Variants in CNTN4 observed in about 807,000 individuals in gnomAD.
CNTN4 encodes contactin-4.
A neutral mutation model predicts 122.5 loss-of-function variants in CNTN4; 77 were observed. That is an observed-to-expected ratio of 0.63 (90% CI 0.52 to 0.76). The LOEUF (loss-of-function observed/expected upper bound fraction) is 0.76. Among genes scored for constraint, CNTN4 ranks in the 30% least tolerant of loss-of-function variants. CNTN4 has a pLI of 0.00. For synonymous variants in CNTN4, 512 were observed against 447.0 expected, an observed-to-expected ratio of 1.15 and a Z score of -1.83; for missense variants, 1,256 against 1,259.1, an observed-to-expected ratio of 1.00 and a Z score of 0.04.
chr3:2,895,755 CT>C (rs1371561090), intron 10 of CNTN4, among the ~76,000 whole-genome samples: 1 of 152,234 alleles, frequency 6.6e-6, no homozygotes, highest in Non-Finnish European at 1.5e-5. Flanking sequence ...AAAGGAGGGG[CT>C]GGGCGCAGTG....
intron 3 of CNTN4, among the ~76,000 whole-genome samples, chr3:2,569,641 A>G (rs2079332553): frequency 6.6e-6 from 1 of 152,156 alleles, no homozygotes; most frequent in Non-Finnish European, 1.5e-5. Flanking sequence ...TTACTTAACC[A>G]GGAGTTTTCC....
At chr3:2,722,371 A>G (rs1258386209) in intron 4 of CNTN4, among the ~76,000 whole-genome samples, 2 of 152,176 alleles carry the variant, frequency 1.3e-5, no homozygotes, top group Admixed American at 1.3e-4. Flanking sequence ...GAAAGATGTT[A>G]ATCCATTATC....
intron 13 of CNTN4, among the ~76,000 whole-genome samples, chr3:2,945,098 C>T (rs929632708): frequency 4.9e-4 from 75 of 152,250 alleles, no homozygotes; most frequent in African/African-American, 1.7e-3. Flanking sequence ...TAAGCTGCCC[C>T]ATATTCTTGG....
intron 14 of CNTN4, among the ~76,000 whole-genome samples, chr3:3,017,135 T>C (rs757715648): frequency 1.3e-5 from 2 of 152,218 alleles, no homozygotes; most frequent in Admixed American, 6.5e-5. Context: ...AATACACTTA[T>C]TGTTCTTTTT....
intron 4 of CNTN4, among the ~76,000 whole-genome samples, chr3:2,705,618 T>G (rs866779042): frequency 1.3e-5 from 1 of 79,502 alleles, no homozygotes; most frequent in South Asian, 4.4e-4. Flanking sequence ...TATATTTATA[T>G]ATAATATATA....
chr3:2,282,432 C>A (rs2041751637), intron 2 of CNTN4, among the ~76,000 whole-genome samples: 1 of 151,480 alleles, frequency 6.6e-6, no homozygotes, highest in African/African-American at 2.4e-5. Context: ...GTTAGCCCAT[C>A]TGTGTTTTAA....
rs979786129 is a variant in CNTN4 at position 2,886,766 on chromosome 3, G to A, written c.756-274G>A. On this transcript the variant is annotated intron_variant, in intron 9 of 24. Transcript: ENST00000418658. ...TGACCTCAAGTGATCTGTCCGCCTC[G>A]GCCTCCCAAAGTGCCAGGATTACAG... is the stretch of plus-strand genomic sequence containing the variant. Among the ~76,000 whole-genome samples, 7 of 151,942 alleles carry A rather than the reference G, an allele frequency of 4.6e-5. No homozygotes were observed. The East Asian group carries it at 1.4e-3, about 29-fold the overall frequency.
chr3:2,947,733 C>T (rs1257190494), intron 13 of CNTN4, among the ~76,000 whole-genome samples: 2 of 152,188 alleles, frequency 1.3e-5, no homozygotes, highest in Non-Finnish European at 2.9e-5. Context: ...AAGCTACAGC[C>T]AGATCCCTAT....
intron 3 of CNTN4, among the ~76,000 whole-genome samples, chr3:2,363,892 A>T (rs1051389161): frequency 6.6e-6 from 1 of 152,242 alleles, no homozygotes; most frequent in Non-Finnish European, 1.5e-5. Flanking sequence ...TATAATCTAT[A>T]GCTTTAATGT....
chr3:2,298,099 A>G lies in CNTN4; in HGVS notation c.-144-41079A>G, dbSNP rs113713070. ...GCTTGGCACAAAGTGAACACTAGGT[A>G]GATGTTGGTTGAATGAACAATTAGG... is the stretch of plus-strand genomic sequence containing the variant. On this transcript the variant is annotated intron_variant, in intron 2 of 24. Transcript: ENST00000418658. Among the ~76,000 whole-genome samples the G allele has an allele frequency of 5.8e-3, 884 of 152,310 alleles. 8 individuals are homozygous for G. Among genetic ancestry groups the G allele is most frequent in the African/African-American group, 0.02 (825 of 41,556 alleles).
chr3:2,775,048 A>G (rs59981120), intron 6 of CNTN4, among the ~76,000 whole-genome samples: 191 of 152,276 alleles, frequency 1.3e-3, no homozygotes, highest in African/African-American at 4.5e-3. Context: ...TATTCATCAT[A>G]TGCTCTGTGG....
intron 2 of CNTN4, among the ~76,000 whole-genome samples, chr3:2,273,817 C>T (rs1028495185): frequency 2.0e-4 from 31 of 152,122 alleles, no homozygotes; most frequent in African/African-American, 7.5e-4. Context: ...GGTTAGTTAA[C>T]AACTTTCTGA....
chr3:2,571,503 G>A lies in CNTN4; in HGVS notation c.-1G>A, dbSNP rs372773679. 8.1e-6 allele frequency: 13 copies of A among 1,612,672 alleles called. No individual in the cohort carries two copies. In the African/African-American group the frequency reaches 1.7e-4, roughly 22 times the overall value. ...ACTCCCTTTGACCTCGGAAACTGAA[G>A]ATGAGGTTGCCATGGGAACTGCTGG... On this transcript the variant is annotated 5_prime_UTR_variant, in exon 4 of 25. Coordinates refer to ENST00000418658, the MANE Select transcript of CNTN4 (RefSeq NM_175607.3).
At chr3:2,859,034 A>G (rs1181502152) in intron 7 of CNTN4, among the ~76,000 whole-genome samples, 1 of 152,176 alleles carries the variant, frequency 6.6e-6, no homozygotes, top group Non-Finnish European at 1.5e-5. Context: ...GAAATTATTT[A>G]TTCTTTGACC....
chr3:2,474,741 T>C (rs2075788490), intron 3 of CNTN4, among the ~76,000 whole-genome samples: 1 of 152,208 alleles, frequency 6.6e-6, no homozygotes, highest in Non-Finnish European at 1.5e-5. Context: ...TGTTTTCTTT[T>C]TTCTATGTTG....
intron 7 of CNTN4, among the ~76,000 whole-genome samples, chr3:2,836,676 G>T (rs954333206): frequency 4.0e-5 from 6 of 150,924 alleles, no homozygotes; most frequent in African/African-American, 9.7e-5. Flanking sequence ...GCCAAAATAA[G>T]TATTTGCTCA....
chr3:2,236,456 CTTTA>C (rs1213699868), intron 2 of CNTN4, among the ~76,000 whole-genome samples: 5 of 152,168 alleles, frequency 3.3e-5, no homozygotes, highest in African/African-American at 1.2e-4. Context: ...GTGAAACTGA[CTTTA>C]TTCTATACAT....
At chr3:2,478,664 A>G (rs1259596886) in intron 3 of CNTN4, among the ~76,000 whole-genome samples, 1 of 152,060 alleles carries the variant, frequency 6.6e-6, no homozygotes, top group African/African-American at 2.4e-5. Flanking sequence ...GCTCCCACTT[A>G]TAAGTGAGAA....
chr3:2,246,623 T>C (rs1007325747), intron 2 of CNTN4, among the ~76,000 whole-genome samples: 1 of 151,988 alleles, frequency 6.6e-6, no homozygotes, highest in Non-Finnish European at 1.5e-5. Context: ...GCAATGTGTA[T>C]ATACTATTAT....
Sources: allele counts gnomAD v4.1 joint callset (sites outside exome capture counted in the v4.1 genomes callset), GRCh38; gene constraint gnomAD v4.1.1; transcripts MANE v1.5; gene names NCBI Gene and HGNC (gene_info 2026-07-23, HGNC 2026-07-21).